Variants in ADAMTSL3 observed in about 807,000 individuals in gnomAD.
ADAMTSL3 encodes the protein ADAMTS like 3.
Under a neutral mutation model 201.7 loss-of-function variants are expected in ADAMTSL3, and 128 were observed. The ratio of observed to expected loss-of-function variants is 0.63; its 90% CI spans 0.55 to 0.73. The LOEUF is 0.73. Ranked by LOEUF, ADAMTSL3 falls within the 30% of genes least tolerant of loss-of-function variation. The pLI, the probability that ADAMTSL3 is intolerant of heterozygous loss-of-function variation, is 0.00. For synonymous variants in ADAMTSL3, 738 were observed against 748.4 expected (o/e 0.99, Z 0.23); for missense variants, 1,990 against 2,119.6 (o/e 0.94, Z 1.20).
intron 3 of ADAMTSL3, among the ~76,000 whole-genome samples, chr15:83,742,006 C>T (rs755624557): frequency 1.2e-4 from 19 of 152,152 alleles, no homozygotes; most frequent in African/African-American, 4.6e-4. Context: ...AAATGTATAT[C>T]GAACCTTCTG....
chr15:83,981,573 A>G (rs192097566), intron 20 of ADAMTSL3, among the ~76,000 whole-genome samples: 16 of 152,358 alleles, frequency 1.1e-4, no homozygotes, highest in Admixed American at 8.5e-4. Context: ...AGATGAAAGA[A>G]TTTGTCCAAG....
At chr15:83,899,122 C>T (rs2141913495) in intron 14 of ADAMTSL3, among the ~76,000 whole-genome samples, 1 of 152,266 alleles carries the variant, frequency 6.6e-6, no homozygotes, top group East Asian at 1.9e-4. Context: ...AGGGGGGCAA[C>T]AGTTTGTTCC....
At chr15:83,961,234 T>C (rs2066963800) in intron 19 of ADAMTSL3, among the ~76,000 whole-genome samples, 1 of 151,808 alleles carries the variant, frequency 6.6e-6, no homozygotes, top group African/African-American at 2.4e-5. Context: ...TAAAGGGAGA[T>C]GGGATACAGA....
chr15:83,861,418 G>A, intron 8 of ADAMTSL3: 1 of 160,728 alleles, frequency 6.2e-6, no homozygotes, highest in Non-Finnish European at 1.3e-5. Context: ...ACTCATCTGA[G>A]ACAAAACTTC....
chr15:83,985,184 A>C (rs2067452072), intron 21 of ADAMTSL3, among the ~76,000 whole-genome samples: 1 of 152,102 alleles, frequency 6.6e-6, no homozygotes, highest in African/African-American at 2.4e-5. Flanking sequence ...GCATTTCATT[A>C]TGCAATGTAA....
chr15:83,914,971 G>A (rs1036094300), intron 16 of ADAMTSL3, among the ~76,000 whole-genome samples: 19 of 151,972 alleles, frequency 1.3e-4, no homozygotes, highest in African/African-American at 4.6e-4. Context: ...ATGAGTTTGG[G>A]GAAACCCTCT....
intron 3 of ADAMTSL3, among the ~76,000 whole-genome samples, chr15:83,755,251 T>C (rs1295891607): frequency 6.6e-6 from 1 of 152,170 alleles, no homozygotes; most frequent in Non-Finnish European, 1.5e-5. Flanking sequence ...ATTATTGTGG[T>C]AAAATATATA....
intron 16 of ADAMTSL3, among the ~76,000 whole-genome samples, chr15:83,915,574 TGTA>T (rs2066020322): frequency 6.6e-6 from 1 of 152,154 alleles, no homozygotes; most frequent in East Asian, 1.9e-4. Flanking sequence ...AAGTATACAA[TGTA>T]GTGGTTTCTA....
At chr15:83,878,908 C>T (rs556327182) in intron 9 of ADAMTSL3, among the ~76,000 whole-genome samples, 20 of 151,990 alleles carry the variant, frequency 1.3e-4, no homozygotes, top group African/African-American at 4.8e-4. Flanking sequence ...AAATGTTTGG[C>T]AGTGTGCACC....
At chr15:83,823,565 C>G (rs913393781) in intron 6 of ADAMTSL3, among the ~76,000 whole-genome samples, 2 of 152,174 alleles carry the variant, frequency 1.3e-5, no homozygotes, top group African/African-American at 4.8e-5. Flanking sequence ...CCAAAGATTA[C>G]TTTTAATTTA....
intron 2 of ADAMTSL3, among the ~76,000 whole-genome samples, chr15:83,692,485 A>T (rs978930653): frequency 6.6e-6 from 1 of 151,952 alleles, no homozygotes; most frequent in Admixed American, 6.6e-5. Flanking sequence ...GGAGATCGAG[A>T]CCATCCTGGC....
In ADAMTSL3 at chr15:83,770,863, C is replaced by T. The variant is rs1321730512; in HGVS notation, c.190-2660C>T. Among the ~76,000 whole-genome samples, 8 of 152,166 alleles carry T rather than the reference C, an allele frequency of 5.3e-5. No individual in the cohort carries two copies. In the East Asian group the frequency reaches 7.7e-4, roughly 15 times the overall value. Reference sequence around the variant, plus strand: ...GGCGGGCGGATTATGAGATCAGGTTCGAGACTGTCCTGGCTAACACGGTGA... The same window carrying T: ...GGCGGGCGGATTATGAGATCAGGTTTGAGACTGTCCTGGCTAACACGGTGA... On this transcript the variant is annotated intron_variant, in intron 3 of 29. Coordinates refer to ENST00000286744, the MANE Select transcript of ADAMTSL3 (RefSeq NM_207517.3).
Position 84,037,865 on chromosome 15 carries a change from T to G in ADAMTSL3, c.*59T>G. ...TAAAAGTAGAATATAAAAGCTCTTT[T>G]CCCCATGTCGCTGATTCAAAAACAT... On this transcript the variant is annotated 3_prime_UTR_variant, in exon 30 of 30. Coordinates refer to ENST00000286744, the MANE Select transcript of ADAMTSL3 (RefSeq NM_207517.3). 6.5e-7 allele frequency: 1 copy of G among 1,546,462 alleles called. No homozygotes were observed.
At chr15:83,879,283 C>G (rs1242928899) in intron 9 of ADAMTSL3, among the ~76,000 whole-genome samples, 1 of 152,144 alleles carries the variant, frequency 6.6e-6, no homozygotes, top group Non-Finnish European at 1.5e-5. Flanking sequence ...TATGTCCACT[C>G]TTACTTCTTT....
At chr15:83,846,982 G>A (rs1387648083) in intron 7 of ADAMTSL3, among the ~76,000 whole-genome samples, 1 of 152,186 alleles carries the variant, frequency 6.6e-6, no homozygotes, top group Non-Finnish European at 1.5e-5. Flanking sequence ...TACATTATTG[G>A]TCAGTCTGCC....
intron 6 of ADAMTSL3, among the ~76,000 whole-genome samples, chr15:83,828,736 A>AG (rs1213005639): frequency 1.3e-5 from 2 of 152,076 alleles, no homozygotes; most frequent in Non-Finnish European, 2.9e-5. Flanking sequence ...TTTAGCATGA[A>AG]GGTTGTTTAA....
chr15:83,820,523 C>A (rs1244104924), intron 6 of ADAMTSL3, among the ~76,000 whole-genome samples: 1 of 152,198 alleles, frequency 6.6e-6, no homozygotes, highest in Non-Finnish European at 1.5e-5. Context: ...AACAAGTTCT[C>A]TGGAGATACT....
chr15:83,933,144 G>A (rs1249616054), intron 17 of ADAMTSL3, among the ~76,000 whole-genome samples: 3 of 152,148 alleles, frequency 2.0e-5, no homozygotes, highest in African/African-American at 7.2e-5. Flanking sequence ...CAAAAGTTAT[G>A]TGCTGGAGTA....
chr15:83,970,286 AGGGAG>A (rs2067169777), intron 19 of ADAMTSL3, among the ~76,000 whole-genome samples, 193 bp from the exon 20 acceptor site: 2 of 149,618 alleles, frequency 1.3e-5, no homozygotes, highest in Admixed American at 1.3e-4. Context: ...AAGGAAGAGA[AGGGAG>A]GGGAGGGAAG....
Sources: allele counts gnomAD v4.1 joint callset (sites outside exome capture counted in the v4.1 genomes callset), GRCh38; gene constraint gnomAD v4.1.1; transcripts MANE v1.5; gene names NCBI Gene and HGNC (gene_info 2026-07-23, HGNC 2026-07-21).